The following ITPR3 variants were observed in gnomAD, a reference collection of about 807,000 sequenced individuals.
ITPR3 encodes inositol 1,4,5-trisphosphate-gated calcium channel ITPR3.
ITPR3 carries 173 observed loss-of-function variants against 293.2 expected under a neutral mutation model. The ratio of observed to expected loss-of-function variants is 0.59; its 90% confidence interval spans 0.52 to 0.67. The LOEUF is 0.67. Among genes scored for constraint, ITPR3 ranks in the 30% least tolerant of loss-of-function variants. The pLI, the probability that ITPR3 is intolerant of heterozygous loss-of-function variation, is 0.00. For synonymous variants in ITPR3, 1,295 were observed against 1,444.4 expected (o/e 0.90, Z 2.35); for missense variants, 2,796 against 3,592.1 (o/e 0.78, Z 5.66).
chr6:33,661,666 T>C (rs1764471078), intron 7 of ITPR3, among the ~76,000 whole-genome samples: 2 of 152,250 alleles, frequency 1.3e-5, no homozygotes, highest in South Asian at 4.1e-4. Context: ...CTCAGACATG[T>C]TAAGGAACTT....
At chr6:33,628,780 A>G (rs1763605517) in intron 1 of ITPR3, among the ~76,000 whole-genome samples, 1 of 152,160 alleles carries the variant, frequency 6.6e-6, no homozygotes, top group African/African-American at 2.4e-5. Flanking sequence ...CACAAATCTC[A>G]GTCCAGGAGC....
In ITPR3 at chr6:33,671,975, T is replaced by C. The variant is rs552957977; in HGVS notation, c.2729-54T>C. On this transcript the variant is annotated intron_variant, in intron 21 of 57. Coordinates refer to ENST00000605930, the MANE Select transcript of ITPR3 (RefSeq NM_002224.4). Reference sequence around the variant, plus strand: ...CCTCCCTCATCAGACCAGGGACCCCTGTGTACAGCCTCTACAACCTCCTTG... The same window carrying C: ...CCTCCCTCATCAGACCAGGGACCCCCGTGTACAGCCTCTACAACCTCCTTG... The C allele has an allele frequency of 6.4e-5, 96 of 1,506,416 alleles. No homozygotes were observed. In the East Asian group the frequency reaches 2.0e-3, roughly 32 times the overall value. 93.3% of individuals were successfully genotyped at this position (1,506,416 alleles called of 1,614,324 possible).
Position 33,680,103 on chromosome 6 carries a change from TGTGGTGACGCATGAG to T in ITPR3, c.4196_4210del (p.Val1399_Glu1403del). ...TGCTGCCGCTGGAGGACGTGGTGTC[TGTGGTGACGCATGAG>T]GACTGCATCACTGAGGTGGGGATCG... On this transcript the variant is annotated inframe_deletion, in exon 31 of 58. Transcript: ENST00000605930. 1 of 1,613,504 alleles carries T rather than the reference TGTGGTGACGCATGAG, an allele frequency of 6.2e-7. No individual in the cohort carries two copies. The highest frequency in any genetic ancestry group is 8.5e-7 in the Non-Finnish European group (1 of 1,179,986).
Position 33,638,011 on chromosome 6 carries a change from T to A in ITPR3, c.90-2473T>A, listed in dbSNP as rs374185170. On this transcript the variant is annotated intron_variant, in intron 1 of 57. Transcript: ENST00000605930. The surrounding 1 kb of genome is among the most constrained non-coding windows in gnomAD (Gnocchi z 4.3). Reference sequence around the variant, plus strand: ...ACGTTTTTTGTTTTGTTTTGTTTTGTTTTGTTTTTGTTGAGATGAAGTCTT... The same window carrying A: ...ACGTTTTTTGTTTTGTTTTGTTTTGATTTGTTTTTGTTGAGATGAAGTCTT... Among the ~76,000 whole-genome samples, 4 of 151,352 alleles carry A rather than the reference T, an allele frequency of 2.6e-5. No individual in the cohort carries two copies. The highest frequency in any genetic ancestry group is 9.7e-5 in the African/African-American group (4 of 41,104).
chr6:33,692,613 C>A lies in ITPR3; in HGVS notation c.7459-115C>A. ...CCCCCAGGCCAGAGGCCCTCATTTC[C>A]TTCTGCTAGGGGCTGGGTCCTCAAT... On this transcript the variant is annotated intron_variant, in intron 54 of 57. Transcript: ENST00000605930. This position sits in a 1 kb window ranked among gnomAD's most constrained non-coding sequence, Gnocchi z 4.2. 9.7e-7 allele frequency: 1 copy of A among 1,028,648 alleles called. No individual in the cohort carries two copies. Among genetic ancestry groups the A allele is most frequent in the Non-Finnish European group, 1.4e-6 (1 of 705,970 alleles). The allele number at this position is 1,028,648 out of a possible 1,614,324, so 63.7% of individuals were successfully genotyped here.
At chr6:33,662,420 G>C (rs1582130938) in intron 7 of ITPR3, 108 bp from the exon 8 acceptor site, 1 of 1,298,128 alleles carries the variant, frequency 7.7e-7, no homozygotes. Context: ...TGGAAGAGGG[G>C]CCCTGCCAGC....
Position 33,666,039 on chromosome 6 carries a change from C to T in ITPR3, c.1551+63C>T. ...GTGCCCGGGAGAGGGATGCCTTCAACTGCAGGCTCATCCCCCGCTTTAACA... is the reference window on the plus strand; with the variant it reads ...GTGCCCGGGAGAGGGATGCCTTCAATTGCAGGCTCATCCCCCGCTTTAACA... On this transcript the variant is annotated intron_variant, in intron 14 of 57. Transcript: ENST00000605930. This position sits in a 1 kb window ranked among gnomAD's most constrained non-coding sequence, Gnocchi z 5.1. The T allele has an allele frequency of 6.6e-7, 1 of 1,525,812 alleles. No individual in the cohort carries two copies. Among genetic ancestry groups the T allele is most frequent in the Non-Finnish European group, 8.9e-7 (1 of 1,127,268 alleles). 94.5% of individuals were successfully genotyped at this position (1,525,812 alleles called of 1,614,324 possible). A position where few individuals can be genotyped will look rare whatever the true frequency, so the allele number is the denominator to read the frequency against.
intron 47 of ITPR3, 29 bp from the exon 48 acceptor site, chr6:33,688,209 CG>C: frequency 2.5e-6 from 4 of 1,614,002 alleles, no homozygotes; most frequent in Non-Finnish European, 2.5e-6. Flanking sequence ...GAGCCTGCGC[CG>C]GGCGTGACCA....
Position 33,685,515 on chromosome 6 carries a change from G to A in ITPR3, c.5464G>A (p.Val1822Ile). The A allele has an allele frequency of 1.2e-6, 2 of 1,613,612 alleles. No homozygotes were observed. Among genetic ancestry groups the A allele is most frequent in the South Asian group, 2.2e-5 (2 of 91,052 alleles). The change falls in exon 40 of 58, where the codon GTC becomes ATC. Residue 1822 changes from valine (V) to isoleucine (I), a missense_variant. Physicochemically the swap from Val to Ile is conservative, Grantham distance 29 (BLOSUM62 3). Coordinates refer to ENST00000605930, the MANE Select transcript of ITPR3 (RefSeq NM_002224.4). Reference protein sequence around the residue: ...GSQPHEDREPVDPTTKGRVAS... With the variant: ...GSQPHEDREPIDPTTKGRVAS... ...CCAGCCACATGAGGACCGCGAGCCA[G>A]TCGACCCCACCACCAAAGGTCAGGG...
Position 33,687,614 on chromosome 6 carries a change from G to C in ITPR3, c.6264+50G>C. ...GTGGGGGTGGGGCCTGGAACCCAGG[G>C]AGGACACTTGACCCAAGGGCGTGGC... On this transcript the variant is annotated intron_variant, in intron 46 of 57. Transcript: ENST00000605930. The surrounding 1 kb of genome is among the most constrained non-coding windows in gnomAD (Gnocchi z 5.3). 1 of 1,451,726 alleles carries C rather than the reference G, an allele frequency of 6.9e-7. No individual in the cohort carries two copies. The highest frequency in any genetic ancestry group is 9.6e-7 in the Non-Finnish European group (1 of 1,045,338). The allele number at this position is 1,451,726 out of a possible 1,614,324, so 89.9% of individuals were successfully genotyped here. A position where few individuals can be genotyped will look rare whatever the true frequency, so the allele number is the denominator to read the frequency against.
chr6:33,670,286 G>A lies in ITPR3; in HGVS notation c.2190-39G>A. On this transcript the variant is annotated intron_variant, in intron 18 of 57. Transcript: ENST00000605930. This position sits in a 1 kb window ranked among gnomAD's most constrained non-coding sequence, Gnocchi z 6.7. The stretch of plus-strand genomic sequence containing the variant: ...GCCCAGTGCCAGCAGCCTCCCGGCT[G>A]CCATCTGCCGTGTCCTCACAGTCCT... 1 of 1,611,034 alleles carries A rather than the reference G, an allele frequency of 6.2e-7. No homozygotes were observed. The highest frequency in any genetic ancestry group is 1.1e-5 in the South Asian group (1 of 90,978).
At position 33,677,769 on chromosome 6, in the gene ITPR3, C is replaced by T. The variant is rs1178549308; in HGVS notation, c.3648+140C>T. 4.2e-6 allele frequency: 4 copies of T among 959,504 alleles called. No individual in the cohort carries two copies. The African/African-American group carries it at 4.9e-5, about 12-fold the overall frequency. 59.4% of individuals were successfully genotyped at this position (959,504 alleles called of 1,614,324 possible). A position where few individuals can be genotyped will look rare whatever the true frequency, so the allele number is the denominator to read the frequency against. On this transcript the variant is annotated intron_variant, in intron 28 of 57. Transcript: ENST00000605930. ...ACACTGCCCTGTTTGTTTGCAGGCA[C>T]ACCTTGACCCCTGAACCCTGTCTTA...
chr6:33,644,248 GTCAAA>G lies in ITPR3; in HGVS notation c.160+3697_160+3701del, dbSNP rs1345234686. ...CCCCATGCACCCACTGCTGAGCTTT[GTCAAA>G]TCCTTTTTGCTACGTTTATTTCAGA... On this transcript the variant is annotated intron_variant, in intron 2 of 57. Transcript: ENST00000605930. 4.0e-5 allele frequency among the ~76,000 whole-genome samples: 6 copies of G among 151,808 alleles called. No individual in the cohort carries two copies. The East Asian group carries it at 1.2e-3, about 29-fold the overall frequency.
chr6:33,680,119 G>A lies in ITPR3; in HGVS notation c.4210G>A (p.Asp1404Asn). The change falls in exon 31 of 58, where the codon GAC becomes AAC. Residue 1404 changes from aspartate (D) to asparagine (N), a missense_variant. Asp to Asn is a conservative substitution (Grantham distance 23). Coordinates refer to ENST00000605930, the MANE Select transcript of ITPR3 (RefSeq NM_002224.4). ...CGTGGTGTCTGTGGTGACGCATGAGGACTGCATCACTGAGGTGGGGATCGG... is the reference window on the plus strand; with the variant it reads ...CGTGGTGTCTGTGGTGACGCATGAGAACTGCATCACTGAGGTGGGGATCGG... The part of the protein sequence containing the change: ...EDVVSVVTHE[D>N]CITEVKMAYV... 6.2e-7 allele frequency: 1 copy of A among 1,613,300 alleles called. No individual in the cohort carries two copies. The highest frequency in any genetic ancestry group is 8.5e-7 in the Non-Finnish European group (1 of 1,179,770).
At position 33,671,170 on chromosome 6, in the gene ITPR3, C is replaced by G. The variant is rs751187880; in HGVS notation, c.2592C>G (p.Val864=). 9 of 1,613,526 alleles carry G rather than the reference C, an allele frequency of 5.6e-6. No individual in the cohort carries two copies. Among genetic ancestry groups the G allele is most frequent in the Non-Finnish European group, 7.6e-6 (9 of 1,179,854 alleles). ...CGGCCACGCCCCCTTCGCAGGTGGT[C>G]AGCCTGGCGCACAATCTCATCTACT... ...EEKNKLTFEV[V]SLAHNLIYFG... Residue 864 remains valine (V), a synonymous_variant, in exon 21 of 58, where the codon GTC becomes GTG. Transcript: ENST00000605930.
At chr6:33,680,785 GAAGT>G in intron 33 of ITPR3, 105 bp downstream of exon 33, 2 of 1,251,676 alleles carry the variant, frequency 1.6e-6, no homozygotes, top group South Asian at 2.9e-5. Context: ...AGTACAGAAA[GAAGT>G]AACAAAAGGA....
chr6:33,689,890 A>AGTCC (rs1765343149), intron 50 of ITPR3, 144 bp from the exon 51 acceptor site: 1 of 874,470 alleles, frequency 1.1e-6, no homozygotes, highest in Non-Finnish European at 1.8e-6. Context: ...CTGTATTCTG[A>AGTCC]GTCCCAGGCG....
chr6:33,655,950 G>C lies in ITPR3; in HGVS notation c.282+63G>C. On this transcript the variant is annotated intron_variant, in intron 3 of 57. Coordinates refer to ENST00000605930, the MANE Select transcript of ITPR3 (RefSeq NM_002224.4). The surrounding 1 kb of genome is among the most constrained non-coding windows in gnomAD (Gnocchi z 4.9). ...TACCAGGAACCTGGGTACACAAGCA[G>C]CGGTGCTGCTTGTCGGAGCCAGTAG... is the stretch of plus-strand genomic sequence containing the variant. 1 of 1,603,330 alleles carries C rather than the reference G, an allele frequency of 6.2e-7. No individual in the cohort carries two copies. The highest frequency in any genetic ancestry group is 8.5e-7 in the Non-Finnish European group (1 of 1,172,886).
At chr6:33,656,121 C>T (rs1293820409) in intron 3 of ITPR3, among the ~76,000 whole-genome samples, 1 of 151,930 alleles carries the variant, frequency 6.6e-6, no homozygotes, top group African/African-American at 2.4e-5. Context: ...TAGCAAGACC[C>T]TATCTCTACA....
Sources: gnomAD v4.1 joint callset for allele counts (sites outside exome capture counted in the v4.1 genomes callset) on GRCh38, gnomAD v4.1.1 for gene constraint, Gnocchi (gnomAD v3.1) non-coding constraint, MANE v1.5 for transcripts, NCBI Gene and HGNC (gene_info 2026-07-23, HGNC 2026-07-21) for gene names.